FCRL6: variants seen among roughly 807,000 people sequenced by gnomAD.
FCRL6 encodes the protein Fc receptor-like protein 6.
In FCRL6, 50 loss-of-function variants were observed where a neutral mutation model predicts 49.1. That is an observed-to-expected ratio of 1.02 (90% confidence interval 0.81 to 1.29). FCRL6 has a LOEUF of 1.29. Among genes scored for constraint, FCRL6 ranks in the 50% most tolerant of loss-of-function variants. The pLI is 0.00. For synonymous variants in FCRL6, 213 were observed against 199.6 expected, an observed-to-expected ratio of 1.07 and a Z score of -0.57; for missense variants, 571 against 518.5, an observed-to-expected ratio of 1.10 and a Z score of -0.98.
At chr1:159,808,128 G>T in intron 2 of FCRL6, 50 bp from the exon 3 acceptor site, 2 of 1,566,644 alleles carry the variant, frequency 1.3e-6, no homozygotes, top group South Asian at 2.4e-5. Flanking sequence ...GGAGAGAAGT[G>T]ACTGATGGGA....
Position 159,810,165 on chromosome 1 carries a change from A to T in FCRL6, c.958A>T (p.Met320Leu), listed in dbSNP as rs1032507758. ...PWLPASLLGL[M>L]VIAAALLVYV... ...GCTTCCTGCGAGCCTGCTTGGCCTG[A>T]TGGTTATTGCTGCTGCACTTCTGGT... is the stretch of plus-strand genomic sequence containing the variant. Residue 320 changes from methionine to leucine, a missense_variant, in exon 6 of 10, where the codon ATG becomes TTG. By Grantham distance (15) the Met-to-Leu change is conservative. Transcript: ENST00000368106. The T allele has an allele frequency of 2.6e-5, 42 of 1,613,698 alleles. No homozygotes were observed. The highest frequency in any genetic ancestry group is 3.6e-5 in the Non-Finnish European group (42 of 1,179,906).
At chr1:159,807,594 G>T (rs1205247188) in intron 2 of FCRL6, among the ~76,000 whole-genome samples, 1 of 152,224 alleles carries the variant, frequency 6.6e-6, no homozygotes, top group Non-Finnish European at 1.5e-5. Flanking sequence ...AGAGATGGAG[G>T]CTGGGCCTAA....
chr1:159,800,541 A>G, upstream of FCRL6: 4 of 1,510,556 alleles, frequency 2.6e-6, no homozygotes, highest in Non-Finnish European at 3.6e-6. Flanking sequence ...AGCTGAACGA[A>G]GTTGAAGACA....
chr1:159,803,344 T>C (rs753652049), intron 1 of FCRL6, among the ~76,000 whole-genome samples: 1 of 152,232 alleles, frequency 6.6e-6, no homozygotes, highest in Non-Finnish European at 1.5e-5. Context: ...GTTTAATTCT[T>C]GGTCCCAATA....
rs1034724252 is a variant in FCRL6 at position 159,813,979 on chromosome 1, G to T, written c.1076-242G>T. 5.9e-5 allele frequency among the ~76,000 whole-genome samples: 9 copies of T among 152,110 alleles called. 1 individual carries two copies. Among genetic ancestry groups the T allele is most frequent in the African/African-American group, 2.2e-4 (9 of 41,422 alleles). ...CAAAAATATGTACACCTTTTTTACA[G>T]AAAAATTTTGTCAACCTCTGGTTTA... On this transcript the variant is annotated intron_variant, in intron 7 of 9. Transcript: ENST00000368106.
In FCRL6 at chr1:159,809,629, G is replaced by C; in HGVS notation, c.832G>C (p.Ala278Pro). ...EQDAGNYSCEAENSVSRERSE... is the reference protein window; with the variant it reads ...EQDAGNYSCEPENSVSRERSE... ...GGATGCTGGGAACTACTCCTGCGAG[G>C]CTGAGAACAGTGTCTCCAGAGAGAG... Residue 278 changes from alanine (A) to proline (P), a missense_variant, in exon 5 of 10, where the codon GCT becomes CCT. Transcript: ENST00000368106. 4 of 1,614,144 alleles carry C rather than the reference G, an allele frequency of 2.5e-6. No homozygotes were observed. Among genetic ancestry groups the C allele is most frequent in the South Asian group, 1.1e-5 (1 of 91,088 alleles).
intron 1 of FCRL6, among the ~76,000 whole-genome samples, chr1:159,805,141 G>A (rs138013456): frequency 6.6e-6 from 1 of 152,168 alleles, no homozygotes; most frequent in Non-Finnish European, 1.5e-5. Flanking sequence ...GCTCATAGAT[G>A]GGGGTTAGGG....
intron 3 of FCRL6, 104 bp from the exon 4 acceptor site, chr1:159,808,857 G>A: frequency 7.9e-7 from 1 of 1,264,090 alleles, no homozygotes; most frequent in South Asian, 1.5e-5. Flanking sequence ...TCCCATCGGG[G>A]TCCCCGGGCT....
chr1:159,801,998 G>A (rs1310446442), upstream of FCRL6, among the ~76,000 whole-genome samples: 1 of 152,036 alleles, frequency 6.6e-6, no homozygotes, highest in Non-Finnish European at 1.5e-5. Context: ...GGTGGTCAAG[G>A]GGTAGATGAT....
intron 6 of FCRL6, among the ~76,000 whole-genome samples, chr1:159,811,907 C>T (rs551076345): frequency 6.6e-6 from 1 of 152,300 alleles, no homozygotes; most frequent in East Asian, 1.9e-4. Flanking sequence ...GTCCACTCAC[C>T]TCTGAGTCAA....
chr1:159,807,216 T>A (rs1337094202), intron 2 of FCRL6, among the ~76,000 whole-genome samples: 1 of 152,238 alleles, frequency 6.6e-6, no homozygotes, highest in Non-Finnish European at 1.5e-5. Flanking sequence ...GGTAATGCGG[T>A]GAGCATCGTT....
chr1:159,805,237 G>A (rs779397001), intron 1 of FCRL6, among the ~76,000 whole-genome samples: 1 of 152,212 alleles, frequency 6.6e-6, no homozygotes, highest in Non-Finnish European at 1.5e-5. Flanking sequence ...GAGCTGAATA[G>A]AGAATTGAGC....
At chr1:159,813,403 T>C in intron 6 of FCRL6, 86 bp from the exon 7 acceptor site, 1 of 1,221,008 alleles carries the variant, frequency 8.2e-7, no homozygotes, top group Admixed American at 1.7e-5. Context: ...GCGGCCTCCT[T>C]GTCATTCTTG....
chr1:159,805,526 G>T (rs1344112268), intron 1 of FCRL6, among the ~76,000 whole-genome samples: 1 of 152,164 alleles, frequency 6.6e-6, no homozygotes, highest in Non-Finnish European at 1.5e-5. Context: ...TTCATATCCA[G>T]CTATGACCTT....
chr1:159,813,839 G>A (rs1663228225), intron 7 of FCRL6, among the ~76,000 whole-genome samples: 1 of 152,216 alleles, frequency 6.6e-6, no homozygotes. Flanking sequence ...CACACTGCCT[G>A]TTTTTGTAGA....
intron 1 of FCRL6, 21 bp from the exon 2 acceptor site, chr1:159,806,575 T>A: frequency 1.2e-6 from 2 of 1,611,320 alleles, no homozygotes; most frequent in Non-Finnish European, 1.7e-6. Context: ...AACCTAATTG[T>A]GTTACTTTGT....
At chr1:159,809,991 G>T (rs1176504179) in intron 5 of FCRL6, 103 bp from the exon 6 acceptor site, 6 of 1,410,746 alleles carry the variant, frequency 4.3e-6, no homozygotes, top group African/African-American at 2.9e-5. Flanking sequence ...AGGCCAGACG[G>T]TTCCCCTAAT....
chr1:159,806,732 ACTAGGCCC>A (rs1662715050), intron 2 of FCRL6, 116 bp downstream of exon 2: 1 of 1,029,870 alleles, frequency 9.7e-7, no homozygotes, highest in Non-Finnish European at 1.5e-6. Flanking sequence ...GCAGCACCAG[ACTAGGCCC>A]CTTCCTCAGG....
rs954167520 is a variant in FCRL6 at position 159,815,789 on chromosome 1, C to G, written c.*128C>G. 2 of 1,208,398 alleles carry G rather than the reference C, an allele frequency of 1.7e-6. No homozygotes were observed. Among genetic ancestry groups the G allele is most frequent in the Non-Finnish European group, 2.3e-6 (2 of 861,662 alleles). The allele number at this position is 1,208,398 out of a possible 1,614,324, so 74.9% of individuals were successfully genotyped here. A position where few individuals can be genotyped will look rare whatever the true frequency, so the allele number is the denominator to read the frequency against. Reference sequence around the variant, plus strand: ...GCCCAGCATCACAGAGCCCCCTGAGCCCTTGTCCTGGTCAGGAGCACCTGA... The same window carrying G: ...GCCCAGCATCACAGAGCCCCCTGAGGCCTTGTCCTGGTCAGGAGCACCTGA... On this transcript the variant is annotated 3_prime_UTR_variant, in exon 10 of 10. Transcript: ENST00000368106.
Sources: gnomAD v4.1 joint callset for allele counts (sites outside exome capture counted in the v4.1 genomes callset) on GRCh38, gnomAD v4.1.1 for gene constraint, MANE v1.5 for transcripts, NCBI Gene and HGNC (gene_info 2026-07-23, HGNC 2026-07-21) for gene names.